Variants in NEDD4L observed in about 807,000 individuals in gnomAD.
NEDD4L encodes NEDD4 like E3 ubiquitin protein ligase, also known as E3 ubiquitin-protein ligase NEDD4-like.
Under a neutral mutation model 148.9 loss-of-function variants are expected in NEDD4L, and 54 were observed. That is an observed-to-expected ratio of 0.36 (90% CI 0.29 to 0.45). The LOEUF is 0.45. NEDD4L is among the 20% of genes least tolerant of loss of function. NEDD4L has a pLI of 1.00. For synonymous variants in NEDD4L, 433 were observed against 440.7 expected (o/e 0.98, Z 0.22); for missense variants, 856 against 1,233.8 (o/e 0.69, Z 4.59).
intron 5 of NEDD4L, among the ~76,000 whole-genome samples, chr18:58,259,592 C>G (rs1480775838): frequency 6.6e-6 from 1 of 152,094 alleles, no homozygotes; most frequent in African/African-American, 2.4e-5. Context: ...AGCCAGTTTT[C>G]TAATCTCATT....
chr18:58,095,472 C>G (rs2084335484), intron 1 of NEDD4L, among the ~76,000 whole-genome samples: 1 of 98,020 alleles, frequency 1.0e-5, no homozygotes. Flanking sequence ...TTGGATCTGT[C>G]TGCAGCACTG....
chr18:58,334,252 A>C (rs1404502657), intron 12 of NEDD4L, among the ~76,000 whole-genome samples: 1 of 152,182 alleles, frequency 6.6e-6, no homozygotes, highest in Non-Finnish European at 1.5e-5. Context: ...AGTCCCTTTA[A>C]CCAGGAAGAA....
At chr18:58,390,850 A>C in intron 29 of NEDD4L, 108 bp downstream of exon 29, 1 of 762,840 alleles carries the variant, frequency 1.3e-6, no homozygotes, top group Non-Finnish European at 2.3e-6. Flanking sequence ...GCTAAGTTTC[A>C]GGACAGTGTG....
In NEDD4L at chr18:58,313,085, A is replaced by G. The variant is rs530162694; in HGVS notation, c.298-2897A>G. On this transcript the variant is annotated intron_variant, in intron 5 of 30. Transcript: ENST00000400345. ...GGATGCTTTGAAACCTAGATCTCTC[A>G]CCAACTACATCTTCCATTGACTGGT... is the stretch of plus-strand genomic sequence containing the variant. Among the ~76,000 whole-genome samples, 23 of 152,328 alleles carry G rather than the reference A, an allele frequency of 1.5e-4. No homozygotes were observed. The East Asian group carries it at 4.4e-3, about 29-fold the overall frequency.
At chr18:58,079,324 G>C (rs572194800) in intron 1 of NEDD4L, among the ~76,000 whole-genome samples, 7 of 152,276 alleles carry the variant, frequency 4.6e-5, no homozygotes, top group African/African-American at 1.2e-4. Context: ...CTGGAAAAAG[G>C]CTTCTGGGAA....
At chr18:58,396,016 A>G (rs2050450263) in intron 30 of NEDD4L, 151 bp from the exon 31 acceptor site, 3 of 548,140 alleles carry the variant, frequency 5.5e-6, no homozygotes, top group Admixed American at 3.1e-5. Flanking sequence ...TGGATGTTTC[A>G]TAGCTAGAGG....
intron 2 of NEDD4L, among the ~76,000 whole-genome samples, chr18:58,200,263 G>A (rs1039854653): frequency 7.2e-5 from 11 of 152,180 alleles, no homozygotes; most frequent in Non-Finnish European, 1.5e-4. Context: ...TCTGGGTGAT[G>A]TATTTAAAAG....
chr18:58,080,809 T>G (rs372610297), intron 1 of NEDD4L, among the ~76,000 whole-genome samples: 87 of 152,262 alleles, frequency 5.7e-4, no homozygotes, highest in Admixed American at 1.9e-3. Flanking sequence ...CCAGGACAAC[T>G]GTTATTTCCC....
At chr18:58,320,677 T>C (rs2058695454) in intron 6 of NEDD4L, among the ~76,000 whole-genome samples, 1 of 152,088 alleles carries the variant, frequency 6.6e-6, no homozygotes, top group Admixed American at 6.5e-5. Flanking sequence ...TAGCCAGGCA[T>C]AGTGGCACAC....
intron 5 of NEDD4L, among the ~76,000 whole-genome samples, chr18:58,258,429 G>A (rs1003298491): frequency 2.0e-5 from 3 of 152,186 alleles, no homozygotes; most frequent in Non-Finnish European, 2.9e-5. Context: ...TTGCAGTTCT[G>A]ATGTGGAAGA....
At chr18:58,342,869 A>G (rs1368869082) in intron 15 of NEDD4L, 37 bp from the exon 16 acceptor site, 3 of 1,492,676 alleles carry the variant, frequency 2.0e-6, no homozygotes, top group Middle Eastern at 1.8e-4. Flanking sequence ...GGAATCGCAC[A>G]TGCTAAAGAG....
At chr18:58,111,902 C>G (rs564020410) in intron 1 of NEDD4L, among the ~76,000 whole-genome samples, 66 of 152,302 alleles carry the variant, frequency 4.3e-4, no homozygotes, top group Admixed American at 7.8e-4. Context: ...ACATTCCCCC[C>G]CAGCAGTGTC....
intron 2 of NEDD4L, among the ~76,000 whole-genome samples, chr18:58,236,518 TTTTC>T (rs1229803846): frequency 4.6e-5 from 7 of 152,204 alleles, no homozygotes; most frequent in African/African-American, 1.7e-4. Flanking sequence ...CTTGGAATTT[TTTTC>T]TTTGCCTCCT....
chr18:58,178,887 AAAGTAGAGAAACATGTGG>A (rs1354394213), intron 2 of NEDD4L, among the ~76,000 whole-genome samples: 10 of 152,226 alleles, frequency 6.6e-5, no homozygotes, highest in Non-Finnish European at 5.9e-5. Flanking sequence ...TCATGGTAGG[AAAGTAGAGAAACATGTGG>A]AAGAAATACT....
intron 2 of NEDD4L, among the ~76,000 whole-genome samples, chr18:58,168,428 C>G (rs2037132629): frequency 6.6e-6 from 1 of 152,246 alleles, no homozygotes; most frequent in African/African-American, 2.4e-5. Flanking sequence ...TAAAACCACT[C>G]ATGCCACTGT....
At chr18:58,358,388 G>T (rs779054604) in intron 19 of NEDD4L, among the ~76,000 whole-genome samples, 1 of 151,928 alleles carries the variant, frequency 6.6e-6, no homozygotes, top group Non-Finnish European at 1.5e-5. Context: ...ATATATATTC[G>T]CAGTCACAGT....
intron 2 of NEDD4L, among the ~76,000 whole-genome samples, chr18:58,225,723 AGC>A (rs2044277801): frequency 6.6e-6 from 1 of 152,190 alleles, no homozygotes; most frequent in Non-Finnish European, 1.5e-5. Flanking sequence ...TTAGGTCCGG[AGC>A]CAGTGGCCTG....
At chr18:58,296,806 C>T (rs2055664216) in intron 5 of NEDD4L, among the ~76,000 whole-genome samples, 1 of 152,190 alleles carries the variant, frequency 6.6e-6, no homozygotes, top group Non-Finnish European at 1.5e-5. Flanking sequence ...CCTATAATTC[C>T]AGCTATTCGG....
chr18:58,179,587 A>G (rs1473535719), intron 2 of NEDD4L, among the ~76,000 whole-genome samples: 1 of 151,996 alleles, frequency 6.6e-6, no homozygotes, highest in African/African-American at 2.4e-5. Context: ...CATCATTCGC[A>G]TTGCTGCCTG....
Sources: gnomAD v4.1 joint callset for allele counts (sites outside exome capture counted in the v4.1 genomes callset) on GRCh38, gnomAD v4.1.1 for gene constraint, MANE v1.5 for transcripts, NCBI Gene and HGNC (gene_info 2026-07-23, HGNC 2026-07-21) for gene names.